DHX9: variants seen among roughly 807,000 people sequenced by gnomAD.
DHX9 encodes the protein ATP-dependent RNA helicase A.
Under a neutral mutation model 148.7 loss-of-function variants are expected in DHX9, and 27 were observed. That is an observed-to-expected ratio of 0.18 (90% confidence interval 0.13 to 0.25). The LOEUF (loss-of-function observed/expected upper bound fraction) is 0.25. Among genes scored for constraint, DHX9 ranks in the 10% least tolerant of loss-of-function variants. The pLI, the probability that DHX9 is intolerant of heterozygous loss-of-function variation, is 1.00. For missense variants in DHX9, 796 were observed against 1,559.6 expected (o/e 0.51, Z 8.25); for synonymous variants, 529 against 516.6 (o/e 1.02, Z -0.33).
intron 12 of DHX9, among the ~76,000 whole-genome samples, chr1:182,864,875 A>G (rs1227238923): frequency 6.6e-6 from 1 of 152,164 alleles, no homozygotes; most frequent in Non-Finnish European, 1.5e-5. Context: ...AAAATAGATA[A>G]CTGCTTGAGA....
chr1:182,883,675 G>A, intron 26 of DHX9, 40 bp downstream of exon 26: 3 of 1,420,008 alleles, frequency 2.1e-6, no homozygotes, highest in South Asian at 2.3e-5. Context: ...TGAATTCTTA[G>A]AATTACAATA....
chr1:182,856,193 CAAGCT>C (rs1391061685), intron 6 of DHX9, among the ~76,000 whole-genome samples: 1 of 152,194 alleles, frequency 6.6e-6, no homozygotes, highest in Non-Finnish European at 1.5e-5. Flanking sequence ...TTCTTGGCTC[CAAGCT>C]AAGTGGAAAA....
rs1338703847 is a variant in DHX9 at position 182,853,994 on chromosome 1, TAACAC to T, written c.478-34_478-30del. On this transcript the variant is annotated intron_variant, in intron 5 of 27. Transcript: ENST00000367549. ...TGTGCCTTGTTTGTATACCTAAACT[TAACAC>T]AGCCAAATTTAATTATCATTGATTC... 1.9e-6 allele frequency: 3 copies of T among 1,603,164 alleles called. No homozygotes were observed. The South Asian group carries it at 3.3e-5, about 18-fold the overall frequency.
chr1:182,882,967 C>T (rs1034745599), intron 24 of DHX9, among the ~76,000 whole-genome samples, 172 bp from the exon 25 acceptor site: 3 of 148,508 alleles, frequency 2.0e-5, no homozygotes, highest in African/African-American at 7.4e-5. Flanking sequence ...AGTAACATTA[C>T]TCCTTGAACT....
At chr1:182,880,052 T>C (rs1179282410) in intron 21 of DHX9, among the ~76,000 whole-genome samples, 1 of 152,128 alleles carries the variant, frequency 6.6e-6, no homozygotes, top group Non-Finnish European at 1.5e-5. Context: ...TTGCTAAACT[T>C]GTTAGAGGTA....
chr1:182,872,529 T>C, intron 15 of DHX9, 36 bp downstream of exon 15: 1 of 1,582,942 alleles, frequency 6.3e-7, no homozygotes, highest in Non-Finnish European at 8.6e-7. Flanking sequence ...ACATCTTTTG[T>C]GCAATAGGGT....
rs1668166010 is a variant in DHX9, at chr1:182,852,263, C to T, written c.283C>T (p.Pro95Ser). ...ATCTCCGCCCCCACTTACTGATACT[C>T]CTGACACTACAGCAAATGCTGAAGG... ...VASPPPLTDT[P>S]DTTANAEGDL... is the part of the protein sequence containing the mutation. The change falls in exon 4 of 28, where the codon CCT becomes TCT. Residue 95 changes from proline to serine, a missense_variant. Physicochemically the swap from Pro to Ser is moderately conservative, Grantham distance 74 (BLOSUM62 -1). Around this residue, in one of 14 missense-constraint regions of DHX9, gnomAD observed 89 missense variants for 77.5 expected, o/e 1.15. Coordinates refer to ENST00000367549, the MANE Select transcript of DHX9 (RefSeq NM_001357.5). The T allele has an allele frequency of 6.2e-7, 1 of 1,612,794 alleles. No individual in the cohort carries two copies. Among genetic ancestry groups the T allele is most frequent in the East Asian group, 2.2e-5 (1 of 44,774 alleles).
At chr1:182,848,624 T>C (rs555623622) in intron 3 of DHX9, among the ~76,000 whole-genome samples, 18 of 152,366 alleles carry the variant, frequency 1.2e-4, no homozygotes, top group Middle Eastern at 3.4e-3. Context: ...AAAAAAATTA[T>C]AACAACCCAT....
At chr1:182,849,128 T>G (rs549314995) in intron 3 of DHX9, among the ~76,000 whole-genome samples, 1 of 152,358 alleles carries the variant, frequency 6.6e-6, no homozygotes, top group South Asian at 2.1e-4. Context: ...TCCTTTTTCA[T>G]AATCACTTAT....
chr1:182,858,367 CAT>C, intron 8 of DHX9, 127 bp downstream of exon 8: 1 of 1,188,990 alleles, frequency 8.4e-7, no homozygotes, highest in South Asian at 1.5e-5. Flanking sequence ...CCCTGCTAAT[CAT>C]CTCTGTGTCT....
rs1649241657 is a variant in DHX9, at chr1:182,884,727, C to A, written c.3375C>A (p.Asp1125Glu). The A allele has an allele frequency of 6.2e-7, 1 of 1,613,978 alleles. No homozygotes were observed. The highest frequency in any genetic ancestry group is 8.5e-7 in the Non-Finnish European group (1 of 1,180,034). Reference sequence around the variant, plus strand: ...AACCTGCTATCATCAGCCAGTTGGACCCCGTAAATGAACGTATGCTGAACA... The same window carrying A: ...AACCTGCTATCATCAGCCAGTTGGAACCCGTAAATGAACGTATGCTGAACA... ...TKQPAIISQLDPVNERMLNMI... is the reference protein window; with the variant it reads ...TKQPAIISQLEPVNERMLNMI... The change falls in exon 27 of 28, where the codon GAC becomes GAA. Residue 1125 changes from aspartate to glutamate, a missense_variant. Around this residue, in one of 14 missense-constraint regions of DHX9, gnomAD observed 86 missense variants for 156.3 expected, o/e 0.55. Transcript: ENST00000367549.
intron 15 of DHX9, among the ~76,000 whole-genome samples, chr1:182,873,970 G>A (rs1648657219): frequency 6.6e-6 from 1 of 152,136 alleles, no homozygotes; most frequent in South Asian, 2.1e-4. Flanking sequence ...AATGGCCAAA[G>A]CTGGAACAGT....
At chr1:182,867,318 TA>T (rs1648339141) in intron 14 of DHX9, among the ~76,000 whole-genome samples, 1 of 152,218 alleles carries the variant, frequency 6.6e-6, no homozygotes, top group Non-Finnish European at 1.5e-5. Flanking sequence ...GCAATTGAAC[TA>T]ATGGTTTATG....
At chr1:182,851,612 A>T (rs982440930) in intron 3 of DHX9, among the ~76,000 whole-genome samples, 2 of 152,082 alleles carry the variant, frequency 1.3e-5, no homozygotes, top group Non-Finnish European at 2.9e-5. Flanking sequence ...AAAAGGTTGT[A>T]TAGATCTCAG....
At chr1:182,882,530 GCTCTTATT>G (rs1165004249) in intron 24 of DHX9, among the ~76,000 whole-genome samples, 1 of 152,140 alleles carries the variant, frequency 6.6e-6, no homozygotes, top group African/African-American at 2.4e-5. Context: ...TATCAGTCAA[GCTCTTATT>G]CTCAGAGTAG....
intron 14 of DHX9, among the ~76,000 whole-genome samples, chr1:182,871,536 A>G (rs189435712): frequency 6.6e-6 from 1 of 152,338 alleles, no homozygotes; most frequent in Admixed American, 6.5e-5. Context: ...TAACCTACAG[A>G]AACTTGGATA....
chr1:182,861,754 A>G (rs1668367370), intron 12 of DHX9, among the ~76,000 whole-genome samples: 1 of 152,166 alleles, frequency 6.6e-6, no homozygotes, highest in Admixed American at 6.5e-5. Context: ...TTTGGGGTGA[A>G]TTACTTATAA....
chr1:182,869,450 T>C (rs149889837), intron 14 of DHX9, among the ~76,000 whole-genome samples: 5 of 152,160 alleles, frequency 3.3e-5, no homozygotes, highest in African/African-American at 4.8e-5. Context: ...TCCTGTCTTA[T>C]CTGATGCTGA....
At position 182,876,281 on chromosome 1, in the gene DHX9, C is replaced by G; in HGVS notation, c.2029+18C>G. ...ACATTTTGGTATGAGTCTTTGAATT[C>G]TCACATATTTGAGAGTGAAAATGAA... On this transcript the variant is annotated intron_variant, in intron 17 of 27. Transcript: ENST00000367549. The G allele has an allele frequency of 6.2e-7, 1 of 1,610,256 alleles. No homozygotes were observed. The highest frequency in any genetic ancestry group is 2.2e-5 in the East Asian group (1 of 44,844).
Sources: allele counts gnomAD v4.1 joint callset (sites outside exome capture counted in the v4.1 genomes callset), GRCh38; gene constraint gnomAD v4.1.1; regional missense constraint gnomAD v4.1.1; transcripts MANE v1.5; gene names NCBI Gene and HGNC (gene_info 2026-07-23, HGNC 2026-07-21).